Variants in HIF1A observed in about 807,000 individuals in gnomAD.
The protein encoded by HIF1A is hypoxia inducible factor 1 subunit alpha, also known as hypoxia-inducible factor 1-alpha.
Under a neutral mutation model 92.7 loss-of-function variants are expected in HIF1A, and 24 were observed. The ratio of observed to expected loss-of-function variants is 0.26; its 90% CI spans 0.19 to 0.36. HIF1A has a LOEUF of 0.36. HIF1A is among the 10% of genes least tolerant of loss of function. HIF1A has a pLI of 1.00. For synonymous variants in HIF1A, 319 were observed against 338.7 expected (o/e 0.94, Z 0.64); for missense variants, 799 against 998.5 (o/e 0.80, Z 2.69).
chr14:61,746,360 T>C (rs1047801853), intron 14 of HIF1A, among the ~76,000 whole-genome samples: 3 of 150,848 alleles, frequency 2.0e-5, no homozygotes, highest in Non-Finnish European at 4.4e-5. Flanking sequence ...TCAATATTGA[T>C]AGAAGCTGAA....
chr14:61,730,068 T>G (rs982752517), intron 6 of HIF1A, among the ~76,000 whole-genome samples: 1 of 152,222 alleles, frequency 6.6e-6, no homozygotes, highest in African/African-American at 2.4e-5. Context: ...ATTCAACACT[T>G]TATTTGAGCA....
intron 12 of HIF1A, among the ~76,000 whole-genome samples, chr14:61,742,483 C>T (rs1006471706): frequency 1.3e-5 from 2 of 152,158 alleles, no homozygotes; most frequent in Non-Finnish European, 2.9e-5. Context: ...TTTACTGTGT[C>T]ACTTACTCAC....
intron 1 of HIF1A, among the ~76,000 whole-genome samples, chr14:61,718,873 T>C (rs2044393574): frequency 6.6e-6 from 1 of 152,222 alleles, no homozygotes; most frequent in African/African-American, 2.4e-5. Flanking sequence ...GTTAAATTGA[T>C]CTAGATGCTT....
chr14:61,717,375 A>T (rs1176121951), intron 1 of HIF1A, among the ~76,000 whole-genome samples: 1 of 152,218 alleles, frequency 6.6e-6, no homozygotes, highest in African/African-American at 2.4e-5. Flanking sequence ...GAAGAATATC[A>T]TGAAGATTTT....
chr14:61,726,355 T>G (rs1310758379), intron 4 of HIF1A: 1 of 159,208 alleles, frequency 6.3e-6, no homozygotes, highest in African/African-American at 2.4e-5. Context: ...AAGAGTTTGC[T>G]GAAGTTCTTT....
Position 61,737,043 on chromosome 14 carries a change from G to A in HIF1A, c.1183G>A (p.Asp395Asn). The A allele has an allele frequency of 6.2e-7, 1 of 1,614,180 alleles. No homozygotes were observed. Among genetic ancestry groups the A allele is most frequent in the Non-Finnish European group, 8.5e-7 (1 of 1,180,032 alleles). The stretch of plus-strand genomic sequence containing the variant: ...CTTTGACAAACTTAAGAAGGAACCT[G>A]ATGCTTTAACTTTGCTGGCCCCAGC... ...SLFDKLKKEP[D>N]ALTLLAPAAG... is the part of the protein sequence containing the mutation. The change falls in exon 9 of 15, where the codon GAT becomes AAT. Residue 395 changes from aspartate to asparagine, a missense_variant. Physicochemically the swap from Asp to Asn is conservative, Grantham distance 23 (BLOSUM62 1). Around this residue, in one of 2 missense-constraint regions of HIF1A, gnomAD observed 516 missense variants for 721.0 expected, o/e 0.72. Coordinates refer to ENST00000337138, the MANE Select transcript of HIF1A (RefSeq NM_001530.4).
intron 1 of HIF1A, among the ~76,000 whole-genome samples, chr14:61,718,580 C>T (rs1050568572): frequency 4.6e-5 from 7 of 152,090 alleles, no homozygotes; most frequent in African/African-American, 9.7e-5. Flanking sequence ...TCAAGTCTTA[C>T]GTTTTATTTT....
chr14:61,716,241 A>C (rs2044362496), intron 1 of HIF1A, among the ~76,000 whole-genome samples: 1 of 152,164 alleles, frequency 6.6e-6, no homozygotes, highest in Admixed American at 6.5e-5. Context: ...AGAGACAAAA[A>C]TGGGCACAGA....
At chr14:61,702,434 G>A (rs2044188527) in intron 1 of HIF1A, among the ~76,000 whole-genome samples, 1 of 140,774 alleles carries the variant, frequency 7.1e-6, no homozygotes, top group Non-Finnish European at 1.5e-5. Flanking sequence ...GTGAGATGCT[G>A]TCTCCAAAAA....
chr14:61,738,517 C>G (rs1321275751), intron 10 of HIF1A, 144 bp downstream of exon 10: 3 of 780,386 alleles, frequency 3.8e-6, no homozygotes, highest in Non-Finnish European at 6.1e-6. Context: ...AAAATTATTG[C>G]AAGAGCTACT....
chr14:61,747,152 A>G lies in HIF1A; in HGVS notation c.*67A>G. On this transcript the variant is annotated 3_prime_UTR_variant, in exon 15 of 15. Coordinates refer to ENST00000337138, the MANE Select transcript of HIF1A (RefSeq NM_001530.4). The stretch of plus-strand genomic sequence containing the variant: ...TCATTACCTAAAGCAGTCTATTTAT[A>G]TTTTCTACATCTAATTTTAGAAGCC... 1.3e-5 allele frequency: 18 copies of G among 1,361,700 alleles called. No homozygotes were observed. The highest frequency in any genetic ancestry group is 2.4e-5 in the East Asian group (1 of 42,470). The allele number at this position is 1,361,700 out of a possible 1,614,324, so 84.4% of individuals were successfully genotyped here.
intron 3 of HIF1A, 30 bp from the exon 4 acceptor site, chr14:61,721,709 T>C (rs1469784986): frequency 6.2e-7 from 1 of 1,610,046 alleles, no homozygotes; most frequent in East Asian, 2.2e-5. Flanking sequence ...TTTTATGATC[T>C]AGCCCTAATT....
At chr14:61,697,830 C>G in intron 1 of HIF1A, 1 of 1,491,522 alleles carries the variant, frequency 6.7e-7, no homozygotes, top group South Asian at 1.3e-5. Context: ...TTTCTTCAAG[C>G]AATTTTTTTT....
chr14:61,741,097 T>C lies in HIF1A; in HGVS notation c.2002T>C (p.Ser668Pro). ...PYRDTQSRTA[S>P]PNRAGKGVIE... Reference sequence around the variant, plus strand: ...TAGAGATACTCAAAGTCGGACAGCCTCACCAAACAGAGCAGGAAAAGGAGT... The same window carrying C: ...TAGAGATACTCAAAGTCGGACAGCCCCACCAAACAGAGCAGGAAAAGGAGT... Residue 668 changes from serine to proline, a missense_variant, in exon 12 of 15, where the codon TCA becomes CCA. Physicochemically the swap from Ser to Pro is moderately conservative, Grantham distance 74. Transcript: ENST00000337138. 1 of 1,613,962 alleles carries C rather than the reference T, an allele frequency of 6.2e-7. No homozygotes were observed. The highest frequency in any genetic ancestry group is 8.5e-7 in the Non-Finnish European group (1 of 1,179,880).
At chr14:61,722,505 G>T (rs1292325763) in intron 4 of HIF1A, among the ~76,000 whole-genome samples, 1 of 152,180 alleles carries the variant, frequency 6.6e-6, no homozygotes, top group Non-Finnish European at 1.5e-5. Flanking sequence ...AAAGTGCTAG[G>T]ATTATAGGCA....
chr14:61,735,512 T>G (rs1010566601), intron 8 of HIF1A, among the ~76,000 whole-genome samples: 1 of 152,206 alleles, frequency 6.6e-6, no homozygotes, highest in Non-Finnish European at 1.5e-5. Context: ...GCAAGCCTTC[T>G]CTATTTTAGC....
chr14:61,740,927 C>A lies in HIF1A; in HGVS notation c.1832C>A (p.Thr611Asn). Residue 611 changes from threonine to asparagine, a missense_variant, in exon 12 of 15, where the codon ACT (threonine) becomes AAT (asparagine). Thr to Asn is a moderately conservative substitution (Grantham distance 65, BLOSUM62 0). This residue lies in a region of HIF1A where 283 missense variants were observed against 277.5 expected (regional missense o/e 1.02). Coordinates refer to ENST00000337138, the MANE Select transcript of HIF1A (RefSeq NM_001530.4). Reference protein sequence around the residue: ...VFQQTQIQEPTANATTTTATT... With the variant: ...VFQQTQIQEPNANATTTTATT... Reference sequence around the variant, plus strand: ...CAGCAGACTCAAATACAAGAACCTACTGCTAATGCCACCACTACCACTGCC... The same window carrying A: ...CAGCAGACTCAAATACAAGAACCTAATGCTAATGCCACCACTACCACTGCC... 2 of 1,614,184 alleles carry A rather than the reference C, an allele frequency of 1.2e-6. No homozygotes were observed. The highest frequency in any genetic ancestry group is 1.7e-6 in the Non-Finnish European group (2 of 1,180,026).
intron 1 of HIF1A, among the ~76,000 whole-genome samples, chr14:61,707,304 GT>G (rs11335043): frequency 0.97 from 146,367 of 151,272 alleles, 70,929 homozygotes; most frequent in Middle Eastern, 1. Context: ...AGCATTCTGT[GT>G]TTTTTTTTTC....
chr14:61,727,623 C>A lies in HIF1A; in HGVS notation c.741C>A (p.Ser247Arg). The A allele has an allele frequency of 6.2e-7, 1 of 1,613,116 alleles. No individual in the cohort carries two copies. Among genetic ancestry groups the A allele is most frequent in the Non-Finnish European group, 8.5e-7 (1 of 1,179,250 alleles). The change falls in exon 6 of 15, where the codon AGC (serine) becomes AGA (arginine). Residue 247 changes from serine (S) to arginine (R), a missense_variant. By Grantham distance (110) the Ser-to-Arg change is moderately radical. Transcript: ENST00000337138. ...GCAAGACTTTCCTCAGTCGACACAG[C>A]CTGGATATGAAATTTTCTTATTGTG... ...LDSKTFLSRH[S>R]LDMKFSYCDE...
Sources: gnomAD v4.1 joint callset for allele counts (sites outside exome capture counted in the v4.1 genomes callset) on GRCh38, gnomAD v4.1.1 for gene constraint, gnomAD v4.1.1 regional missense constraint, MANE v1.5 for transcripts, NCBI Gene and HGNC (gene_info 2026-07-23, HGNC 2026-07-21) for gene names.